ZP1: variants seen among roughly 807,000 people sequenced by gnomAD.
The protein encoded by ZP1 is zona pellucida glycoprotein 1.
In ZP1, 58 loss-of-function variants were observed where a neutral mutation model predicts 67.4. The ratio of observed to expected loss-of-function variants is 0.86; its 90% CI spans 0.70 to 1.07. The LOEUF is 1.07. Among genes scored for constraint, ZP1 ranks in the 50% least tolerant of loss-of-function variants. ZP1 has a pLI of 0.00. For missense variants in ZP1, 759 were observed against 807.3 expected (o/e 0.94, Z 0.72); for synonymous variants, 333 against 332.7 (o/e 1.00, Z -0.01).
At chr11:60,867,798 C>T (rs189311227) in intron 1 of ZP1, 41 bp downstream of exon 1, 15 of 1,588,732 alleles carry the variant, frequency 9.4e-6, no homozygotes, top group African/African-American at 1.3e-5. Flanking sequence ...TCCCTGGCCA[C>T]GGGCTGCTGC....
Position 60,871,205 on chromosome 11 carries a change from C to A in ZP1, c.1015-12C>A. 1 of 1,614,088 alleles carries A rather than the reference C, an allele frequency of 6.2e-7. No individual in the cohort carries two copies. The highest frequency in any genetic ancestry group is 8.5e-7 in the Non-Finnish European group (1 of 1,180,030). On this transcript the variant is annotated splice_polypyrimidine_tract_variant and intron_variant, in intron 5 of 11. Coordinates refer to ENST00000278853, the MANE Select transcript of ZP1 (RefSeq NM_207341.4). Reference sequence around the variant, plus strand: ...CCACCAGAAAGCCTCACCCAGCTGTCTCTTCCTACAGGTGGCTGGCGACCA... The same window carrying A: ...CCACCAGAAAGCCTCACCCAGCTGTATCTTCCTACAGGTGGCTGGCGACCA...
intron 4 of ZP1, 155 bp downstream of exon 4, chr11:60,870,630 C>A: frequency 1.0e-6 from 1 of 961,518 alleles, no homozygotes; most frequent in Non-Finnish European, 1.5e-6. Context: ...ATGGGGCGGT[C>A]ACATGTCCCA....
Position 60,873,390 on chromosome 11 carries a change from C to T in ZP1, c.1256C>T (p.Ser419Leu), listed in dbSNP as rs1855623366. Residue 419 changes from serine to leucine, a missense_variant, in exon 8 of 12, where the codon TCG (serine) becomes TTG (leucine). Coordinates refer to ENST00000278853, the MANE Select transcript of ZP1 (RefSeq NM_207341.4). The stretch of plus-strand genomic sequence containing the variant: ...CTCCCTGCAGACGAGACCTTCAGCT[C>T]GTACTATGGGGAGGATGACTATCCC... ...LRIAKDETFS[S>L]YYGEDDYPIV... 6.2e-7 allele frequency: 1 copy of T among 1,606,176 alleles called. No homozygotes were observed. Among genetic ancestry groups the T allele is most frequent in the Non-Finnish European group, 8.5e-7 (1 of 1,173,384 alleles).
chr11:60,873,247 AC>A lies in ZP1; in HGVS notation c.1201del (p.Gln401SerfsTer29). The A allele has an allele frequency of 6.2e-7, 1 of 1,602,680 alleles. No homozygotes were observed. Among genetic ancestry groups the A allele is most frequent in the Non-Finnish European group, 8.5e-7 (1 of 1,173,760 alleles). ...CCCACCCCCATCGCCTGCTCCTATG[AC>A]CCAGCCCGGCCCCCTGCGGCTTGAG... ...IFPPPSPAPM[T>X]QPGPLRLELR... On this transcript the variant is annotated frameshift_variant, in exon 7 of 12. Transcript: ENST00000278853. LOFTEE classifies it high-confidence loss of function.
intron 1 of ZP1, 97 bp downstream of exon 1, chr11:60,867,854 C>G (rs1009308616): frequency 1.3e-5 from 18 of 1,393,000 alleles, no homozygotes; most frequent in Non-Finnish European, 1.7e-5. Context: ...AGAACAGAGG[C>G]CTCCCTCCAG....
At chr11:60,870,743 T>A in intron 4 of ZP1, 1 of 679,448 alleles carries the variant, frequency 1.5e-6, no homozygotes, top group Non-Finnish European at 2.5e-6. Flanking sequence ...ACAGATTATA[T>A]GGTGAACCTA....
intron 1 of ZP1, 22 bp from the exon 2 acceptor site, chr11:60,869,123 C>A: frequency 6.2e-7 from 1 of 1,614,072 alleles, no homozygotes. Flanking sequence ...CATCCCTGGC[C>A]CCTCCCCTTC....
Position 60,871,305 on chromosome 11 carries a change from G to A in ZP1, c.1103G>A (p.Ser368Asn), listed in dbSNP as rs199843782. The A allele has an allele frequency of 1.5e-5, 25 of 1,613,636 alleles. No individual in the cohort carries two copies. The Admixed American group carries it at 2.7e-4, about 17-fold the overall frequency. ...CCACAGGGTTCCATCACGCGGGACA[G>A]CACCTTCCAGTAAGGGCAGCCCTCC... ...KGPQGSITRD[S>N]TFQLHVRCVF... Residue 368 changes from serine (S) to asparagine (N), a missense_variant, in exon 6 of 12, where the codon AGC (serine) becomes AAC (asparagine). Transcript: ENST00000278853.
Position 60,867,565 on chromosome 11 carries a change from G to T in ZP1, c.4G>T (p.Ala2Ser). MAGGSATTWGYP... is the reference protein window; with the variant it reads MSGGSATTWGYP... ...GGGGGTGTGTCTGTGGCGTCTCATG[G>T]CAGGAGGCTCAGCCACGACCTGGGG... The change falls in exon 1 of 12, where the codon GCA becomes TCA. Residue 2 changes from alanine (A) to serine (S), a missense_variant. Coordinates refer to ENST00000278853, the MANE Select transcript of ZP1 (RefSeq NM_207341.4). 2 of 1,607,588 alleles carry T rather than the reference G, an allele frequency of 1.2e-6. No individual in the cohort carries two copies. The highest frequency in any genetic ancestry group is 2.2e-5 in the South Asian group (2 of 90,502).
chr11:60,870,759 A>G (rs1160004356), intron 4 of ZP1, 198 bp from the exon 5 acceptor site: 1 of 713,210 alleles, frequency 1.4e-6, no homozygotes. Context: ...ACCTACTTTT[A>G]GAGTGTAGTT....
In ZP1 at chr11:60,875,311, G is replaced by A. The variant is rs1452651692; in HGVS notation, c.1774+63G>A. ...CACTCTCAGCCCCCAAGATTGTGCTGACAAAACAGGGATGCTCCAGCCATA... is the reference window on the plus strand; with the variant it reads ...CACTCTCAGCCCCCAAGATTGTGCTAACAAAACAGGGATGCTCCAGCCATA... On this transcript the variant is annotated intron_variant, in intron 11 of 11. Transcript: ENST00000278853. 5.1e-6 allele frequency: 8 copies of A among 1,560,492 alleles called. No homozygotes were observed. In the African/African-American group the frequency reaches 8.2e-5, roughly 16 times the overall value.
intron 1 of ZP1, 65 bp from the exon 2 acceptor site, chr11:60,869,080 G>C (rs571671349): frequency 1.4e-5 from 22 of 1,597,876 alleles, no homozygotes; most frequent in Non-Finnish European, 1.8e-5. Context: ...AACTCCTTCC[G>C]AGACCCCAGC....
intron 11 of ZP1, 104 bp from the exon 12 acceptor site, chr11:60,875,410 C>A: frequency 6.5e-7 from 1 of 1,532,144 alleles, no homozygotes. Flanking sequence ...ACCTCATCTG[C>A]AGAAAGGCAG....
Position 60,869,524 on chromosome 11 carries a change from C to G in ZP1, c.319-13C>G. On this transcript the variant is annotated splice_polypyrimidine_tract_variant and intron_variant, in intron 2 of 11. Transcript: ENST00000278853. Reference sequence around the variant, plus strand: ...CCTCACCTTGCTGCTCTATGATGGCCTCTCACCTGCAGGATGGGCGTTTCC... The same window carrying G: ...CCTCACCTTGCTGCTCTATGATGGCGTCTCACCTGCAGGATGGGCGTTTCC... 1.9e-6 allele frequency: 3 copies of G among 1,591,534 alleles called. No individual in the cohort carries two copies. Among genetic ancestry groups the G allele is most frequent in the Non-Finnish European group, 2.6e-6 (3 of 1,166,132 alleles).
intron 9 of ZP1, among the ~76,000 whole-genome samples, chr11:60,874,202 T>C (rs919515107): frequency 4.6e-5 from 7 of 152,234 alleles, no homozygotes; most frequent in Admixed American, 3.9e-4. Flanking sequence ...ACTTGTCCCA[T>C]TGAACAACGT....
chr11:60,869,082 G>T, intron 1 of ZP1, 63 bp from the exon 2 acceptor site: 1 of 1,599,800 alleles, frequency 6.3e-7, no homozygotes, highest in South Asian at 1.1e-5. Flanking sequence ...CTCCTTCCGA[G>T]ACCCCAGCAA....
chr11:60,868,039 C>CTTTT (rs3044654), intron 1 of ZP1, among the ~76,000 whole-genome samples: 1 of 140,644 alleles, frequency 7.1e-6, no homozygotes. Flanking sequence ...CATTTCTTTT[C>CTTTT]TTTTTTTTTT....
chr11:60,868,708 A>G (rs949908753), intron 1 of ZP1, among the ~76,000 whole-genome samples: 4 of 152,206 alleles, frequency 2.6e-5, no homozygotes, highest in African/African-American at 9.7e-5. Flanking sequence ...ATCTTTCTAC[A>G]AAGCCCAGGA....
intron 6 of ZP1, among the ~76,000 whole-genome samples, chr11:60,872,185 C>T (rs113743226): frequency 3.9e-5 from 6 of 152,188 alleles, no homozygotes; most frequent in African/African-American, 1.2e-4. Flanking sequence ...GGCAACACAG[C>T]GAGACCCCAT....
Sources: gnomAD v4.1 joint callset for allele counts (sites outside exome capture counted in the v4.1 genomes callset) on GRCh38, gnomAD v4.1.1 for gene constraint, MANE v1.5 for transcripts, NCBI Gene and HGNC (gene_info 2026-07-23, HGNC 2026-07-21) for gene names.